Variants in SMARCA1 observed in about 807,000 individuals in gnomAD.
The protein encoded by SMARCA1 is SWI/SNF-related matrix-associated actin-dependent regulator of chromatin subfamily A member 1.
SMARCA1 carries 17 observed loss-of-function variants against 93.6 expected under a neutral mutation model. The observed-to-expected ratio is 0.18, with a 90% CI of 0.12 to 0.27. The LOEUF is 0.27. Among genes scored for constraint, SMARCA1 ranks in the 10% least tolerant of loss-of-function variants. SMARCA1 has a pLI of 1.00. For synonymous variants in SMARCA1, 271 were observed against 271.4 expected, an observed-to-expected ratio of 1.00 and a Z score of 0.01; for missense variants, 630 against 819.0, an observed-to-expected ratio of 0.77 and a Z score of 2.82.
intron 1 of SMARCA1, among the ~76,000 whole-genome samples, chrX:129,521,710 C>T (rs1269871338): frequency 3.6e-5 from 4 of 112,230 alleles, no homozygotes; most frequent in Admixed American, 2.8e-4. Context: ...CAGACATTTC[C>T]GAATTTCACA....
At position 129,490,059 on chromosome X, in the gene SMARCA1, C is replaced by A; in HGVS notation, c.1948+1G>T. ...CTAATTAAGTTTCTATGTATAAATA[C>A]CTTGTTGTATAACAATTGAATCGAG... On this transcript the variant is annotated splice_donor_variant, in intron 15 of 24. Transcript: ENST00000371121. LOFTEE classifies it high-confidence loss of function. 1 of 1,175,158 alleles carries A rather than the reference C, an allele frequency of 8.5e-7. No individual in the cohort carries two copies. The highest frequency in any genetic ancestry group is 1.2e-6 in the Non-Finnish European group (1 of 866,334).
At chrX:129,470,297 G>A (rs759851562) in intron 20 of SMARCA1, among the ~76,000 whole-genome samples, 2 of 110,060 alleles carry the variant, frequency 1.8e-5, no homozygotes, top group South Asian at 3.8e-4. Context: ...TAGAACACTC[G>A]TAAAACTCAT....
intron 19 of SMARCA1, among the ~76,000 whole-genome samples, chrX:129,478,204 A>G (rs1219810435): frequency 8.9e-6 from 1 of 111,734 alleles, no homozygotes; most frequent in East Asian, 2.8e-4. Flanking sequence ...TGCCACCACC[A>G]TTACATTGTA....
intron 23 of SMARCA1, 133 bp from the exon 24 acceptor site, chrX:129,448,576 C>G: frequency 1.8e-6 from 1 of 557,739 alleles, no homozygotes; most frequent in Admixed American, 3.1e-5. Context: ...AATATTCACA[C>G]AGGGTATTAA....
intron 20 of SMARCA1, 67 bp downstream of exon 20, chrX:129,471,137 T>C (rs1933100699): frequency 3.3e-6 from 3 of 915,220 alleles, no homozygotes; most frequent in Non-Finnish European, 4.5e-6. Context: ...CAATAAAAAG[T>C]GTGATCTATA....
At chrX:129,520,740 T>C (rs944446022) in intron 1 of SMARCA1, among the ~76,000 whole-genome samples, 2 of 112,287 alleles carry the variant, frequency 1.8e-5, no homozygotes, top group Non-Finnish European at 3.8e-5. Flanking sequence ...TATTTTACAG[T>C]GGTTTTCAAA....
At position 129,523,228 on chromosome X, in the gene SMARCA1, G is replaced by A; in HGVS notation, c.143C>T (p.Ala48Val). 2 of 1,211,074 alleles carry A rather than the reference G, an allele frequency of 1.7e-6. No individual in the cohort carries two copies. The highest frequency in any genetic ancestry group is 2.2e-6 in the Non-Finnish European group (2 of 895,130). ...GAAAAATEAT[A>V]ATEKGEKKKE... The stretch of plus-strand genomic sequence containing the variant: ...CTTCTTCTCGCCCTTCTCCGTGGCC[G>A]CGGTGGCTTCGGTGGCCGCGGCGGC... Residue 48 changes from alanine to valine, a missense_variant, in exon 1 of 25, where the codon GCG becomes GTG. Transcript: ENST00000371121.
chrX:129,488,753 CA>C, intron 16 of SMARCA1, among the ~76,000 whole-genome samples, 183 bp downstream of exon 16: 1 of 109,759 alleles, frequency 9.1e-6, no homozygotes, highest in African/African-American at 3.3e-5. Context: ...TCTTTCTCAC[CA>C]AAAAAAAGTT....
Position 129,478,749 on chromosome X carries a change from T to C in SMARCA1, c.2442+1952A>G, listed in dbSNP as rs193137683. 1.4e-3 allele frequency among the ~76,000 whole-genome samples: 152 copies of C among 112,005 alleles called. 1 individual carries two copies. The highest frequency in any genetic ancestry group is 4.6e-3 in the African/African-American group (141 of 30,839). ...TTTCAGTATCTCCAAAGAAGGAGCA[T>C]AAAGTTATATCAGAGATGATTTTTT... On this transcript the variant is annotated intron_variant, in intron 19 of 24. Transcript: ENST00000371121.
At chrX:129,482,865 T>C in intron 17 of SMARCA1, among the ~76,000 whole-genome samples, 1 of 111,895 alleles carries the variant, frequency 8.9e-6, no homozygotes, top group South Asian at 3.8e-4. Flanking sequence ...CCACCATTAG[T>C]TGTCTCACTC....
chrX:129,516,605 C>T, intron 2 of SMARCA1, 108 bp from the exon 3 acceptor site: 2 of 630,587 alleles, frequency 3.2e-6, no homozygotes, highest in Non-Finnish European at 4.8e-6. Flanking sequence ...AACATTAATC[C>T]ATTCAATTCT....
chrX:129,500,395 T>G (rs1261485920), intron 9 of SMARCA1, among the ~76,000 whole-genome samples: 2 of 112,372 alleles, frequency 1.8e-5, no homozygotes, highest in East Asian at 5.6e-4. Context: ...CTCGAACTCC[T>G]GACCCCGTGA....
chrX:129,516,287 G>C (rs1308319298), intron 3 of SMARCA1, 44 bp downstream of exon 3: 6 of 1,148,280 alleles, frequency 5.2e-6, no homozygotes, highest in Non-Finnish European at 5.9e-6. Context: ...AGGAAGAAAA[G>C]GTAGGAGAAA....
At chrX:129,515,584 A>T in intron 5 of SMARCA1, 103 bp downstream of exon 5, 1 of 542,821 alleles carries the variant, frequency 1.8e-6, no homozygotes, top group Non-Finnish European at 3.2e-6. Context: ...AACAACTTTT[A>T]AAAAGCCTCC....
Position 129,508,081 on chromosome X carries a change from C to G in SMARCA1, c.826G>C (p.Asp276His). ...TCCCACTCTCCTGGCATCATTTCAT[C>G]ACGAATAAAAGCAGCCTAATGCAAA... ...DKDARAAFIR[D>H]EMMPGEWDVC... The change falls in exon 7 of 25, where the codon GAT becomes CAT. Residue 276 changes from aspartate to histidine, a missense_variant. By Grantham distance (81) the Asp-to-His change is moderately conservative. Coordinates refer to ENST00000371121, the MANE Select transcript of SMARCA1 (RefSeq NM_001282874.2). 8.6e-7 allele frequency: 1 copy of G among 1,166,494 alleles called. No homozygotes were observed. The highest frequency in any genetic ancestry group is 2.0e-5 in the South Asian group (1 of 50,527).
At position 129,480,737 on chromosome X, in the gene SMARCA1, C is replaced by A. The variant is rs761837308; in HGVS notation, c.2406G>T (p.Lys802Asn). 8.0e-6 allele frequency: 9 copies of A among 1,126,168 alleles called. No individual in the cohort carries two copies. The East Asian group carries it at 3.0e-4, about 37-fold the overall frequency. 92.8% of individuals were successfully genotyped at this position (1,126,168 alleles called of 1,213,427 possible). A position where few individuals can be genotyped will look rare whatever the true frequency, so the allele number is the denominator to read the frequency against. Residue 802 changes from lysine to asparagine, a missense_variant, in exon 19 of 25, where the codon AAG (lysine) becomes AAT (asparagine). Coordinates refer to ENST00000371121, the MANE Select transcript of SMARCA1 (RefSeq NM_001282874.2). ...FPPRLFELLE[K>N]EILYYRKTIG... ...TTGTCTTCCGATAATAAAGAATTTC[C>A]TTTTCCAGGAGCTCAAATAAGCGTG...
At chrX:129,488,758 A>G (rs1304828381) in intron 16 of SMARCA1, among the ~76,000 whole-genome samples, 179 bp downstream of exon 16, 1 of 111,639 alleles carries the variant, frequency 9.0e-6, no homozygotes, top group Non-Finnish European at 1.9e-5. Flanking sequence ...CTCACCAAAA[A>G]AAAGTTTTAA....
intron 23 of SMARCA1, among the ~76,000 whole-genome samples, chrX:129,449,628 C>T (rs1737434324): frequency 8.9e-6 from 1 of 111,800 alleles, no homozygotes; most frequent in Non-Finnish European, 1.9e-5. Flanking sequence ...ACCCTGTATA[C>T]TTTGCTATAT....
chrX:129,504,567 A>AAAAAAAAAAC (rs1934719807), intron 9 of SMARCA1, among the ~76,000 whole-genome samples, 167 bp downstream of exon 9: 1 of 98,397 alleles, frequency 1.0e-5, no homozygotes, highest in African/African-American at 4.2e-5. Flanking sequence ...AAAAAAAAAA[A>AAAAAAAAAAC]AAAAAAAAAA....
Sources: allele counts gnomAD v4.1 joint callset (sites outside exome capture counted in the v4.1 genomes callset), GRCh38; gene constraint gnomAD v4.1.1; transcripts MANE v1.5; gene names NCBI Gene and HGNC (gene_info 2026-07-23, HGNC 2026-07-21).